Variants in LMO2 observed in about 807,000 individuals in gnomAD.
LMO2 encodes LIM domain only 2, also known as rhombotin-2.
A neutral mutation model predicts 23.2 loss-of-function variants in LMO2; 20 were observed. The observed-to-expected ratio is 0.86, with a 90% CI of 0.61 to 1.25. The LOEUF (loss-of-function observed/expected upper bound fraction) is 1.25, where lower values mean the gene tolerates loss of function less well. LMO2 is among the 50% of genes most tolerant of loss of function. LMO2 has a pLI of 0.00. For missense variants in LMO2, 270 were observed against 315.3 expected (o/e 0.86, Z 1.09); for synonymous variants, 123 against 130.2 (o/e 0.94, Z 0.38).
In LMO2 at chr11:33,869,907, TCTCTCTCCGGGCTTCCTC is replaced by T; in HGVS notation, c.-209_-192del. On this transcript the variant is annotated 5_prime_UTR_variant, in exon 3 of 6. Coordinates refer to ENST00000257818, the MANE Select transcript of LMO2 (RefSeq NM_005574.4). ...CTAGGGGCGGGGAGGGGACCGTGCG[TCTCTCTCCGGGCTTCCTC>T]CTCTCTCGGGAAGGTCTATTTTCGC... The T allele has an allele frequency of 9.5e-7, 1 of 1,050,000 alleles. No individual in the cohort carries two copies. The highest frequency in any genetic ancestry group is 1.1e-6 in the Non-Finnish European group (1 of 871,246). 65.0% of individuals were successfully genotyped at this position (1,050,000 alleles called of 1,614,324 possible). A position where few individuals can be genotyped will look rare whatever the true frequency, so the allele number is the denominator to read the frequency against.
At chr11:33,885,229 A>G (rs1443386503) in intron 1 of LMO2, among the ~76,000 whole-genome samples, 1 of 152,100 alleles carries the variant, frequency 6.6e-6, no homozygotes, top group Non-Finnish European at 1.5e-5. Context: ...GGGGCTTCCA[A>G]TCTCTTGTGT....
intron 1 of LMO2, among the ~76,000 whole-genome samples, chr11:33,886,529 C>G (rs1264367385): frequency 6.6e-6 from 1 of 152,190 alleles, no homozygotes; most frequent in Non-Finnish European, 1.5e-5. Context: ...AGTAGGGAAA[C>G]TGTGTCCCAG....
intron 1 of LMO2, among the ~76,000 whole-genome samples, chr11:33,891,022 A>G (rs1857533873): frequency 6.6e-6 from 1 of 152,206 alleles, no homozygotes; most frequent in South Asian, 2.1e-4. Context: ...AACCTGGAGT[A>G]ATATCTGCTT....
intron 3 of LMO2, 32 bp from the exon 4 acceptor site, chr11:33,869,618 CGGGCTGCGGGCGCGCCGCGGCCGAGGCGG>C: frequency 7.9e-7 from 1 of 1,261,986 alleles, no homozygotes; most frequent in South Asian, 2.4e-5. Flanking sequence ...AGCGAATCAC[CGGGCTGCGGGCGCGCCGCGGCCGAGGCGG>C]GGGCCGGGGC....
At chr11:33,870,562 G>A in intron 2 of LMO2, 3 of 985,616 alleles carry the variant, frequency 3.0e-6, no homozygotes, top group Middle Eastern at 5.2e-4. Context: ...TGCACGGGCT[G>A]GGGACGCCTA....
In LMO2 at chr11:33,880,243, T is replaced by C. The variant is rs868318272; in HGVS notation, c.-272+1581A>G. Among the ~76,000 whole-genome samples, 180 of 143,166 alleles carry C rather than the reference T, an allele frequency of 1.3e-3. 1 individual carries two copies. Among genetic ancestry groups the C allele is most frequent in the African/African-American group, 2.4e-3 (90 of 36,784 alleles). 93.9% of individuals were successfully genotyped at this position (143,166 alleles called of 152,430 possible). ...ATATACACATGATATATATATCATA[T>C]ATACACATGATATATATATCATACA... On this transcript the variant is annotated intron_variant, in intron 2 of 5. Transcript: ENST00000257818. The surrounding 1 kb of genome is among the most constrained non-coding windows in gnomAD (Gnocchi z 4.3).
chr11:33,859,473 G>A lies in LMO2; in HGVS notation c.567C>T (p.Phe189=). The A allele has an allele frequency of 6.2e-7, 1 of 1,614,090 alleles. No individual in the cohort carries two copies. The highest frequency in any genetic ancestry group is 8.5e-7 in the Non-Finnish European group (1 of 1,179,966). The change falls in exon 6 of 6, where the codon TTC becomes TTT. Residue 189 remains phenylalanine, a synonymous_variant. Transcript: ENST00000257818. ...VKDKVYHLEC[F]KCAACQKHFC... ...AATGCTTCTGACAGGCGGCGCATTT[G>A]AAACATTCCAGGTGATACACTTTGT...
rs1856457844 is a variant in LMO2, at chr11:33,858,869, C to CA, written c.*486dup. 4.3e-6 allele frequency: 1 copy of CA among 231,156 alleles called. No homozygotes were observed. The highest frequency in any genetic ancestry group is 2.2e-5 in the African/African-American group (1 of 45,038). The allele number at this position is 231,156 out of a possible 1,614,324, so 14.3% of individuals were successfully genotyped here. A position where few individuals can be genotyped will look rare whatever the true frequency, so the allele number is the denominator to read the frequency against. On this transcript the variant is annotated 3_prime_UTR_variant, in exon 6 of 6. Transcript: ENST00000257818. ...AAGCTTAAGGCCTTGGGAAGGGGGCCAAGAAAAAAAGAATGGCCACTCTCC... is the reference window on the plus strand; with the variant it reads ...AAGCTTAAGGCCTTGGGAAGGGGGCCAAAGAAAAAAAGAATGGCCACTCTCC...
chr11:33,887,126 T>C (rs1857429049), intron 1 of LMO2, among the ~76,000 whole-genome samples: 1 of 152,224 alleles, frequency 6.6e-6, no homozygotes, highest in Non-Finnish European at 1.5e-5. Context: ...AATGAGGGCA[T>C]TTTATTATGG....
At chr11:33,865,074 T>C (rs1856733280) in intron 4 of LMO2, 2 of 540,126 alleles carry the variant, frequency 3.7e-6, no homozygotes, top group East Asian at 6.6e-5. Context: ...TCAAAGGCAA[T>C]TGCAGGTGGC....
chr11:33,869,290 C>G, intron 4 of LMO2, 56 bp downstream of exon 4: 1 of 1,122,494 alleles, frequency 8.9e-7, no homozygotes, highest in Non-Finnish European at 1.1e-6. Context: ...CCCCGACGCT[C>G]CGGGACGCGA....
chr11:33,867,067 G>GA (rs1343767730), intron 4 of LMO2, among the ~76,000 whole-genome samples: 1 of 152,200 alleles, frequency 6.6e-6, no homozygotes, highest in Non-Finnish European at 1.5e-5. Context: ...AAAGGACTGT[G>GA]AAAGAAGAGA....
chr11:33,888,059 G>A (rs1038140865), intron 1 of LMO2, among the ~76,000 whole-genome samples: 1 of 152,170 alleles, frequency 6.6e-6, no homozygotes, highest in Non-Finnish European at 1.5e-5. Flanking sequence ...TGACTGAGTG[G>A]GCAATGACAG....
At position 33,869,870 on chromosome 11, in the gene LMO2, G is replaced by A. The variant is rs534578406; in HGVS notation, c.-154C>T. 263 of 1,052,836 alleles carry A rather than the reference G, an allele frequency of 2.5e-4. No homozygotes were observed. The highest frequency in any genetic ancestry group is 9.1e-4 in the South Asian group (20 of 21,950). 65.2% of individuals were successfully genotyped at this position (1,052,836 alleles called of 1,614,324 possible). On this transcript the variant is annotated 5_prime_UTR_variant, in exon 3 of 6. Coordinates refer to ENST00000257818, the MANE Select transcript of LMO2 (RefSeq NM_005574.4). Reference sequence around the variant, plus strand: ...CGCTGCTCGCCGCCGAGGGCAGAGAGGGGGCGGCGGCCTAGGGGCGGGGAG... The same window carrying A: ...CGCTGCTCGCCGCCGAGGGCAGAGAAGGGGCGGCGGCCTAGGGGCGGGGAG...
intron 2 of LMO2, among the ~76,000 whole-genome samples, chr11:33,873,516 A>T (rs1241027521): frequency 6.6e-6 from 1 of 152,228 alleles, no homozygotes; most frequent in Non-Finnish European, 1.5e-5. Context: ...TCATGACCTT[A>T]TTGTATCCTC....
intron 1 of LMO2, among the ~76,000 whole-genome samples, chr11:33,884,938 G>A (rs3781577): frequency 0.26 from 39,763 of 151,986 alleles, 5,414 homozygotes; most frequent in East Asian, 0.33. Flanking sequence ...ATAGGACCTC[G>A]GATCTTTCTC....
At chr11:33,883,633 C>G (rs764205544) in intron 1 of LMO2, among the ~76,000 whole-genome samples, 1 of 152,154 alleles carries the variant, frequency 6.6e-6, no homozygotes, top group Non-Finnish European at 1.5e-5. Context: ...CTGGAGGAAG[C>G]AGAAAATCGA....
chr11:33,878,767 G>T (rs1857196226), intron 2 of LMO2, among the ~76,000 whole-genome samples: 1 of 152,184 alleles, frequency 6.6e-6, no homozygotes, highest in Non-Finnish European at 1.5e-5. Flanking sequence ...CTAGTGCCTA[G>T]CTAGGTGCCT....
intron 2 of LMO2, 107 bp downstream of exon 2, chr11:33,881,717 A>T (rs1365608082): frequency 3.5e-6 from 1 of 284,118 alleles, no homozygotes; most frequent in Non-Finnish European, 6.9e-6. Context: ...CATTCTGCCC[A>T]GGATTAAATC....
Sources: allele counts gnomAD v4.1 joint callset (sites outside exome capture counted in the v4.1 genomes callset), GRCh38; gene constraint gnomAD v4.1.1; non-coding constraint Gnocchi (gnomAD v3.1); transcripts MANE v1.5; gene names NCBI Gene and HGNC (gene_info 2026-07-23, HGNC 2026-07-21).